Variants in GABRB1 observed in about 807,000 individuals in gnomAD.
GABRB1 encodes the protein gamma-aminobutyric acid type A receptor subunit beta1, also known as gamma-aminobutyric acid receptor subunit beta-1.
GABRB1 carries 17 observed loss-of-function variants against 51.6 expected under a neutral mutation model. The observed-to-expected ratio is 0.33, with a 90% CI of 0.23 to 0.49. The LOEUF (loss-of-function observed/expected upper bound fraction) is 0.49, where lower values mean the gene tolerates loss of function less well. Ranked by LOEUF, GABRB1 falls within the 20% of genes least tolerant of loss-of-function variation. The pLI, the probability that GABRB1 is intolerant of heterozygous loss-of-function variation, is 0.99. For synonymous variants in GABRB1, 247 were observed against 218.9 expected (o/e 1.13, Z -1.14); for missense variants, 410 against 600.6 (o/e 0.68, Z 3.32).
intron 8 of GABRB1, among the ~76,000 whole-genome samples, chr4:47,420,943 A>AACACACACACACACAC (rs71654875): frequency 3.5e-5 from 5 of 141,076 alleles, no homozygotes; most frequent in African/African-American, 1.1e-4. Context: ...TACACACACA[A>AACACACACACACACAC]ACACACACAC....
chr4:47,096,654 T>C (rs1212228035), intron 3 of GABRB1, among the ~76,000 whole-genome samples: 1 of 152,158 alleles, frequency 6.6e-6, no homozygotes, highest in Non-Finnish European at 1.5e-5. Context: ...AGTGGGTTGT[T>C]AAAAATGAAG....
At chr4:47,300,087 T>A in intron 4 of GABRB1, among the ~76,000 whole-genome samples, 2 of 100,440 alleles carry the variant, frequency 2.0e-5, no homozygotes, top group Non-Finnish European at 1.9e-5. Context: ...CTGGGGACTG[T>A]TGTGGGGTGG....
chr4:47,395,131 CT>C (rs2110042726), intron 5 of GABRB1, among the ~76,000 whole-genome samples: 1 of 152,306 alleles, frequency 6.6e-6, no homozygotes, highest in African/African-American at 2.4e-5. Flanking sequence ...TGGGAAACAA[CT>C]GGTGATCCAC....
chr4:47,353,796 G>A (rs984850481), intron 5 of GABRB1, among the ~76,000 whole-genome samples: 1 of 152,060 alleles, frequency 6.6e-6, no homozygotes, highest in African/African-American at 2.4e-5. Context: ...AGTAGTAACC[G>A]AGTTCACAAC....
chr4:47,008,203 T>C (rs950148955), intron 1 of GABRB1, among the ~76,000 whole-genome samples: 8 of 152,078 alleles, frequency 5.3e-5, no homozygotes, highest in African/African-American at 1.9e-4. Context: ...ATTCATTAAA[T>C]ACAGAATACA....
intron 5 of GABRB1, among the ~76,000 whole-genome samples, chr4:47,325,614 G>A (rs1246065539): frequency 6.6e-6 from 1 of 152,026 alleles, no homozygotes; most frequent in Non-Finnish European, 1.5e-5. Flanking sequence ...AATAGACTTT[G>A]TTTCTGGCAG....
At chr4:47,172,790 C>A (rs150039701) in intron 4 of GABRB1, among the ~76,000 whole-genome samples, 2 of 151,772 alleles carry the variant, frequency 1.3e-5, no homozygotes, top group Non-Finnish European at 2.9e-5. Context: ...TACAGGCATG[C>A]GCCACCATGC....
At chr4:47,282,042 TCTC>T (rs1246269093) in intron 4 of GABRB1, among the ~76,000 whole-genome samples, 1 of 151,140 alleles carries the variant, frequency 6.6e-6, no homozygotes. Context: ...TATTTAATGT[TCTC>T]ATCATTAAAA....
intron 4 of GABRB1, among the ~76,000 whole-genome samples, chr4:47,240,692 A>G (rs1313310474): frequency 6.6e-6 from 1 of 152,214 alleles, no homozygotes; most frequent in African/African-American, 2.4e-5. Context: ...AAGTAATTTA[A>G]ATTTTCAGTA....
At chr4:47,084,650 C>T (rs913652509) in intron 3 of GABRB1, among the ~76,000 whole-genome samples, 1 of 152,200 alleles carries the variant, frequency 6.6e-6, no homozygotes, top group East Asian at 1.9e-4. Flanking sequence ...TTGGGGTTTC[C>T]CTTACCTACC....
intron 4 of GABRB1, among the ~76,000 whole-genome samples, chr4:47,162,151 A>G (rs1388669379): frequency 2.6e-5 from 4 of 152,100 alleles, no homozygotes; most frequent in Non-Finnish European, 5.9e-5. Context: ...TTTGGGAGAA[A>G]TGGTAAAATA....
At chr4:47,009,362 A>ACT (rs1724516583) in intron 1 of GABRB1, among the ~76,000 whole-genome samples, 1 of 152,072 alleles carries the variant, frequency 6.6e-6, no homozygotes, top group Admixed American at 6.5e-5. Flanking sequence ...AAAGTTTTAA[A>ACT]AACACTACCA....
intron 1 of GABRB1, among the ~76,000 whole-genome samples, chr4:47,018,828 G>T (rs568898735): frequency 3.3e-5 from 5 of 152,192 alleles, no homozygotes; most frequent in African/African-American, 1.2e-4. Context: ...GAAGAAGAGG[G>T]TTTGATTTTG....
intron 8 of GABRB1, among the ~76,000 whole-genome samples, chr4:47,413,146 C>T (rs184134470): frequency 2.0e-5 from 3 of 152,190 alleles, no homozygotes; most frequent in Non-Finnish European, 4.4e-5. Context: ...TCAGACTGCT[C>T]TTTGTTAGAA....
chr4:47,306,109 C>T (rs1724458342), intron 4 of GABRB1, among the ~76,000 whole-genome samples: 1 of 151,920 alleles, frequency 6.6e-6, no homozygotes. Context: ...AAAAATATAA[C>T]AACATGTTGC....
At chr4:47,153,078 C>G (rs1018634827) in intron 3 of GABRB1, among the ~76,000 whole-genome samples, 2 of 151,956 alleles carry the variant, frequency 1.3e-5, no homozygotes, top group Non-Finnish European at 2.9e-5. Flanking sequence ...GATGGAAGAA[C>G]TGAGAAGCCT....
intron 4 of GABRB1, among the ~76,000 whole-genome samples, chr4:47,178,038 G>C (rs1196164666): frequency 6.6e-6 from 1 of 151,968 alleles, no homozygotes; most frequent in African/African-American, 2.4e-5. Flanking sequence ...ATGGATGTTG[G>C]TGGAAGCCAG....
At chr4:47,154,257 G>GTTTTT (rs66516518) in intron 3 of GABRB1, among the ~76,000 whole-genome samples, 2 of 137,434 alleles carry the variant, frequency 1.5e-5, no homozygotes, top group Non-Finnish European at 1.5e-5. Context: ...AATTATGGTT[G>GTTTTT]TTTTTTTTTT....
chr4:47,134,493 G>A (rs1248302646), intron 3 of GABRB1, among the ~76,000 whole-genome samples: 1 of 151,870 alleles, frequency 6.6e-6, no homozygotes, highest in Non-Finnish European at 1.5e-5. Context: ...ATTAATGAGA[G>A]GAAAATGATG....
Sources: gnomAD v4.1 joint callset for allele counts (sites outside exome capture counted in the v4.1 genomes callset) on GRCh38, gnomAD v4.1.1 for gene constraint, MANE v1.5 for transcripts, NCBI Gene and HGNC (gene_info 2026-07-23, HGNC 2026-07-21) for gene names.